The following ZBTB20 variants were observed in gnomAD, a reference collection of about 807,000 sequenced individuals.
The protein encoded by ZBTB20 is zinc finger and BTB domain containing 20, also known as zinc finger and BTB domain-containing protein 20.
In ZBTB20, 9 loss-of-function variants were observed where a neutral mutation model predicts 56.9. That is an observed-to-expected ratio of 0.16 (90% CI 0.10 to 0.28). The LOEUF is 0.28. ZBTB20 is among the 10% of genes least tolerant of loss of function. The pLI, the probability that ZBTB20 is intolerant of heterozygous loss-of-function variation, is 1.00. For missense variants in ZBTB20, 655 were observed against 1,003.0 expected, an observed-to-expected ratio of 0.65 and a Z score of 4.69; for synonymous variants, 417 against 420.7, an observed-to-expected ratio of 0.99 and a Z score of 0.11.
chr3:114,981,437 AGTGCTGCTT>A (rs2078322582), intron 2 of ZBTB20, among the ~76,000 whole-genome samples: 1 of 152,150 alleles, frequency 6.6e-6, no homozygotes, highest in Non-Finnish European at 1.5e-5. Context: ...GAAACAAAAT[AGTGCTGCTT>A]TAAAATCATT....
At chr3:114,664,943 A>G (rs2060962577) in intron 6 of ZBTB20, among the ~76,000 whole-genome samples, 1 of 152,054 alleles carries the variant, frequency 6.6e-6, no homozygotes, top group South Asian at 2.1e-4. Context: ...ATTTTTGCTG[A>G]ATGAATAATC....
At chr3:115,114,344 T>G (rs2083961438) in intron 1 of ZBTB20, among the ~76,000 whole-genome samples, 1 of 152,030 alleles carries the variant, frequency 6.6e-6, no homozygotes, top group Non-Finnish European at 1.5e-5. Context: ...GGAGAAAGCC[T>G]CACAAAATAG....
chr3:115,003,947 T>C (rs1448227473), intron 2 of ZBTB20, among the ~76,000 whole-genome samples: 1 of 151,716 alleles, frequency 6.6e-6, no homozygotes, highest in African/African-American at 2.4e-5. Context: ...ATTATTATAT[T>C]GTCAGAACAA....
At chr3:114,660,495 G>A (rs954295234) in intron 6 of ZBTB20, among the ~76,000 whole-genome samples, 5 of 152,080 alleles carry the variant, frequency 3.3e-5, no homozygotes, top group African/African-American at 1.2e-4. Context: ...GCCTAGCCTA[G>A]CCTAACTTTT....
rs1221074114 is a variant in ZBTB20, at chr3:114,314,589, A to G, written c.*24416T>C. On this transcript the variant is annotated 3_prime_UTR_variant, in exon 12 of 12. Transcript: ENST00000675478. The stretch of plus-strand genomic sequence containing the variant: ...CAATACCTCGGAAAGTGAAACTTAC[A>G]AAAAAAGTGCTGGTAACATTTAAAA... The G allele has an allele frequency of 6.6e-6, 1 of 151,698 alleles. No individual in the cohort carries two copies. Among genetic ancestry groups the G allele is most frequent in the Non-Finnish European group, 1.5e-5 (1 of 67,910 alleles). 9.4% of individuals were successfully genotyped at this position (151,698 alleles called of 1,614,324 possible).
At chr3:114,744,779 A>G (rs2066901636) in intron 5 of ZBTB20, among the ~76,000 whole-genome samples, 1 of 152,158 alleles carries the variant, frequency 6.6e-6, no homozygotes, top group Non-Finnish European at 1.5e-5. Flanking sequence ...TTTTTCAATA[A>G]TGCTGGTAAA....
chr3:114,731,059 T>C (rs922331686), intron 5 of ZBTB20, among the ~76,000 whole-genome samples: 2 of 152,204 alleles, frequency 1.3e-5, no homozygotes, highest in African/African-American at 4.8e-5. Context: ...TTGAGTATTT[T>C]ATTCTTGTAG....
At chr3:114,718,019 T>C (rs1048700926) in intron 5 of ZBTB20, among the ~76,000 whole-genome samples, 1 of 152,140 alleles carries the variant, frequency 6.6e-6, no homozygotes, top group Non-Finnish European at 1.5e-5. Flanking sequence ...CACAGTATAT[T>C]TGGAAAAACA....
intron 7 of ZBTB20, among the ~76,000 whole-genome samples, chr3:114,448,236 AT>A (rs1259945807): frequency 2.0e-5 from 3 of 151,944 alleles, no homozygotes; most frequent in Admixed American, 2.0e-4. Context: ...GATTATGGGG[AT>A]GTGCTTCAGC....
chr3:114,842,493 C>T (rs1437956277), intron 4 of ZBTB20, among the ~76,000 whole-genome samples: 3 of 152,150 alleles, frequency 2.0e-5, no homozygotes, highest in African/African-American at 7.2e-5. Context: ...ACAAGCCACA[C>T]CAAGTCTCTA....
At chr3:114,632,385 A>G (rs1374791288) in intron 6 of ZBTB20, among the ~76,000 whole-genome samples, 2 of 152,196 alleles carry the variant, frequency 1.3e-5, no homozygotes, top group African/African-American at 2.4e-5. Context: ...TCCTGAGTTC[A>G]AAAAGAGATG....
At chr3:114,854,400 C>T (rs76140425) in intron 4 of ZBTB20, among the ~76,000 whole-genome samples, 9,347 of 152,168 alleles carry the variant, frequency 0.061, 712 homozygotes, top group African/African-American at 0.18. Context: ...CCAAGGTACT[C>T]ACTTCTATTT....
chr3:114,969,419 A>C (rs946912964), intron 3 of ZBTB20, among the ~76,000 whole-genome samples: 1 of 152,222 alleles, frequency 6.6e-6, no homozygotes, highest in Non-Finnish European at 1.5e-5. Flanking sequence ...TTCCAAAAGT[A>C]CACAATTATA....
intron 5 of ZBTB20, among the ~76,000 whole-genome samples, chr3:114,782,601 G>T (rs924710522): frequency 3.6e-4 from 54 of 151,820 alleles, no homozygotes; most frequent in African/African-American, 1.2e-3. Context: ...GTTAATGTTG[G>T]GTGCAAATAT....
At chr3:114,820,715 A>G (rs1420623947) in intron 4 of ZBTB20, among the ~76,000 whole-genome samples, 1 of 152,126 alleles carries the variant, frequency 6.6e-6, no homozygotes, top group African/African-American at 2.4e-5. Context: ...ACTTTTGTGC[A>G]TAAAGAACAT....
chr3:115,132,199 T>G (rs934873427), intron 1 of ZBTB20, among the ~76,000 whole-genome samples: 1 of 152,236 alleles, frequency 6.6e-6, no homozygotes, highest in Admixed American at 6.5e-5. Flanking sequence ...TCCTGTTTTA[T>G]GCATTTTAAT....
At chr3:114,570,078 G>A (rs1445924487) in intron 6 of ZBTB20, among the ~76,000 whole-genome samples, 2 of 152,126 alleles carry the variant, frequency 1.3e-5, no homozygotes, top group Admixed American at 1.3e-4. Context: ...TTCTCAACAT[G>A]TATTTTGAGG....
chr3:114,814,946 TAAGA>T, intron 4 of ZBTB20, among the ~76,000 whole-genome samples: 1 of 152,136 alleles, frequency 6.6e-6, no homozygotes, highest in Non-Finnish European at 1.5e-5. Flanking sequence ...CCATATGAGA[TAAGA>T]AAGGCCCTCT....
intron 7 of ZBTB20, among the ~76,000 whole-genome samples, chr3:114,490,443 G>A (rs1202371316): frequency 6.6e-6 from 1 of 151,942 alleles, no homozygotes; most frequent in East Asian, 1.9e-4. Flanking sequence ...GGCTGGTCTC[G>A]AACTCTTGAC....
Sources: allele counts gnomAD v4.1 joint callset (sites outside exome capture counted in the v4.1 genomes callset), GRCh38; gene constraint gnomAD v4.1.1; transcripts MANE v1.5; gene names NCBI Gene and HGNC (gene_info 2026-07-23, HGNC 2026-07-21).